Variants in GRM7 observed in about 807,000 individuals in gnomAD.
GRM7 encodes the protein glutamate metabotropic receptor 7.
A neutral mutation model predicts 84.5 loss-of-function variants in GRM7; 35 were observed. That is an observed-to-expected ratio of 0.41 (90% CI 0.32 to 0.55). The LOEUF (loss-of-function observed/expected upper bound fraction) is 0.55, where lower values mean the gene tolerates loss of function less well. Among genes scored for constraint, GRM7 ranks in the 20% least tolerant of loss-of-function variants. GRM7 has a pLI of 0.19. For synonymous variants in GRM7, 487 were observed against 455.1 expected, an observed-to-expected ratio of 1.07 and a Z score of -0.89; for missense variants, 1,003 against 1,194.6, an observed-to-expected ratio of 0.84 and a Z score of 2.36.
chr3:7,113,454 T>G (rs1300515080), intron 1 of GRM7, among the ~76,000 whole-genome samples: 2 of 152,104 alleles, frequency 1.3e-5, no homozygotes, highest in Non-Finnish European at 2.9e-5. Context: ...TTCAACATAT[T>G]GCCCAGGCTG....
intron 8 of GRM7, among the ~76,000 whole-genome samples, chr3:7,650,944 T>C (rs1447253934): frequency 6.6e-6 from 1 of 152,192 alleles, no homozygotes; most frequent in East Asian, 1.9e-4. Context: ...AGGGCACTAA[T>C]GAAAAATCAT....
At chr3:7,434,037 G>A (rs907759233) in intron 5 of GRM7, among the ~76,000 whole-genome samples, 1 of 151,924 alleles carries the variant, frequency 6.6e-6, no homozygotes, top group Non-Finnish European at 1.5e-5. Flanking sequence ...TATAGATTGT[G>A]TATATATTTT....
chr3:6,984,717 G>A (rs895236429), intron 1 of GRM7, among the ~76,000 whole-genome samples: 1 of 151,986 alleles, frequency 6.6e-6, no homozygotes, highest in Non-Finnish European at 1.5e-5. Context: ...GAGGGGAATT[G>A]GCTGACCATC....
chr3:7,455,461 G>A (rs1553601142), intron 6 of GRM7, among the ~76,000 whole-genome samples: 1 of 152,102 alleles, frequency 6.6e-6, no homozygotes, highest in Non-Finnish European at 1.5e-5. Context: ...TAATCAAGGT[G>A]GACATCATCA....
chr3:7,583,314 G>C (rs908635084), intron 8 of GRM7, among the ~76,000 whole-genome samples: 1 of 152,138 alleles, frequency 6.6e-6, no homozygotes, highest in Non-Finnish European at 1.5e-5. Context: ...GTAACAGATA[G>C]CCCCTCAGAA....
intron 5 of GRM7, among the ~76,000 whole-genome samples, chr3:7,449,997 G>T (rs1178702339): frequency 2.0e-5 from 3 of 151,880 alleles, no homozygotes; most frequent in Non-Finnish European, 4.4e-5. Flanking sequence ...TTTGGAAAAA[G>T]ATACCTAAAG....
At chr3:6,924,249 A>G (rs146168260) in intron 1 of GRM7, among the ~76,000 whole-genome samples, 43 of 152,318 alleles carry the variant, frequency 2.8e-4, no homozygotes, top group African/African-American at 1.0e-3. Flanking sequence ...TATTAGCTAA[A>G]TGGGATACTG....
At position 7,537,112 on chromosome 3, in the gene GRM7, T is replaced by C. The variant is rs1575467747; in HGVS notation, c.1516-41310T>C. 4.6e-5 allele frequency among the ~76,000 whole-genome samples: 7 copies of C among 152,260 alleles called. No homozygotes were observed. In the Middle Eastern group the frequency reaches 0.024, roughly 518 times the overall value. ...GCTCTTCAGAGCTGCAGGTGATGTC[T>C]GGAGGAGTGTGTGAGGACAGAGCAC... is the stretch of plus-strand genomic sequence containing the variant. On this transcript the variant is annotated intron_variant, in intron 7 of 9. Coordinates refer to ENST00000357716, the MANE Select transcript of GRM7 (RefSeq NM_000844.4).
At chr3:7,417,151 T>A (rs1696197979) in intron 5 of GRM7, among the ~76,000 whole-genome samples, 2 of 152,118 alleles carry the variant, frequency 1.3e-5, no homozygotes, top group African/African-American at 4.8e-5. Flanking sequence ...AATAGAAGTG[T>A]TTGTGTCTTC....
intron 1 of GRM7, among the ~76,000 whole-genome samples, chr3:7,008,822 G>A (rs1308274483): frequency 2.0e-5 from 3 of 152,010 alleles, no homozygotes; most frequent in Non-Finnish European, 2.9e-5. Flanking sequence ...CTTGGAAGAA[G>A]CTTAGAGCCA....
At chr3:7,266,211 T>C (rs1212560515) in intron 2 of GRM7, among the ~76,000 whole-genome samples, 2 of 151,982 alleles carry the variant, frequency 1.3e-5, no homozygotes, top group African/African-American at 4.8e-5. Context: ...GAAAAAAAAA[T>C]CCCAAGTACA....
chr3:7,496,633 A>G (rs1297088740), intron 7 of GRM7, among the ~76,000 whole-genome samples: 12 of 152,140 alleles, frequency 7.9e-5, no homozygotes, highest in Admixed American at 7.2e-4. Flanking sequence ...GTAGATTAAC[A>G]TGGAGTGTCA....
intron 4 of GRM7, among the ~76,000 whole-genome samples, chr3:7,404,046 A>G (rs1269868557): frequency 6.6e-6 from 1 of 152,094 alleles, no homozygotes; most frequent in African/African-American, 2.4e-5. Flanking sequence ...CAACAGTAGA[A>G]TCTTTGATTC....
chr3:7,066,278 A>T (rs961629429), intron 1 of GRM7, among the ~76,000 whole-genome samples: 10 of 151,900 alleles, frequency 6.6e-5, no homozygotes, highest in African/African-American at 1.9e-4. Context: ...GACCATTAGC[A>T]AGATTAACCA....
At chr3:7,033,160 T>A (rs1355664080) in intron 1 of GRM7, among the ~76,000 whole-genome samples, 1 of 152,166 alleles carries the variant, frequency 6.6e-6, no homozygotes, top group East Asian at 1.9e-4. Flanking sequence ...TGTCTTCACG[T>A]CACTTTCACC....
At chr3:7,474,440 CAAA>C (rs35884021) in intron 7 of GRM7, among the ~76,000 whole-genome samples, 19 of 140,130 alleles carry the variant, frequency 1.4e-4, no homozygotes, top group African/African-American at 3.6e-4. Flanking sequence ...TAGCTTTTCT[CAAA>C]AAAAAAAAAA....
At position 6,949,454 on chromosome 3, in the gene GRM7, G is replaced by C. The variant is rs575520633; in HGVS notation, c.519+87547G>C. Among the ~76,000 whole-genome samples the C allele has an allele frequency of 2.0e-5, 3 of 152,112 alleles. No individual in the cohort carries two copies. In the East Asian group the frequency reaches 5.8e-4, roughly 29 times the overall value. ...TTAGTCTGATGGGCTTCTCTTTGTG[G>C]GTAACCCGACCTTTCTCTCTGGTTG... On this transcript the variant is annotated intron_variant, in intron 1 of 9. Transcript: ENST00000357716.
intron 1 of GRM7, among the ~76,000 whole-genome samples, chr3:7,048,769 A>T (rs1306387080): frequency 6.6e-6 from 1 of 151,972 alleles, no homozygotes; most frequent in Non-Finnish European, 1.5e-5. Context: ...AATTTTCAAG[A>T]TTATAATACC....
intron 8 of GRM7, among the ~76,000 whole-genome samples, chr3:7,637,855 C>G (rs1698172784): frequency 2.0e-5 from 3 of 152,154 alleles, no homozygotes; most frequent in Admixed American, 1.3e-4. Context: ...CCCACAGGAG[C>G]CTCTTCGGCA....
Sources: allele counts gnomAD v4.1 joint callset (sites outside exome capture counted in the v4.1 genomes callset), GRCh38; gene constraint gnomAD v4.1.1; transcripts MANE v1.5; gene names NCBI Gene and HGNC (gene_info 2026-07-23, HGNC 2026-07-21).